Variants in RAD51B observed in about 807,000 individuals in gnomAD.
RAD51B encodes DNA repair protein RAD51 homolog 2.
In RAD51B, 38 loss-of-function variants were observed where a neutral mutation model predicts 42.2. That is an observed-to-expected ratio of 0.90 (90% CI 0.70 to 1.18). The LOEUF is 1.18. RAD51B is among the 50% of genes most tolerant of loss of function. RAD51B has a pLI of 0.00. For missense variants in RAD51B, 373 were observed against 400.7 expected (o/e 0.93, Z 0.59); for synonymous variants, 154 against 145.2 (o/e 1.06, Z -0.43).
At chr14:68,004,608 A>G (rs1474522033) in intron 7 of RAD51B, among the ~76,000 whole-genome samples, 13 of 152,172 alleles carry the variant, frequency 8.5e-5, no homozygotes, top group Non-Finnish European at 1.9e-4. Flanking sequence ...AAATTGAAAT[A>G]TAATGTATTT....
intron 7 of RAD51B, among the ~76,000 whole-genome samples, chr14:68,058,816 G>T (rs1283501570): frequency 6.6e-6 from 1 of 152,092 alleles, no homozygotes; most frequent in African/African-American, 2.4e-5. Context: ...TTAAAATTTT[G>T]TTAGATTCTA....
intron 7 of RAD51B, among the ~76,000 whole-genome samples, chr14:68,263,146 G>T (rs570617572): frequency 1.3e-5 from 2 of 152,304 alleles, no homozygotes; most frequent in African/African-American, 2.4e-5. Context: ...CTGATGCTCT[G>T]TGAGGGCTGA....
chr14:68,125,960 C>T (rs1239142168), intron 7 of RAD51B, among the ~76,000 whole-genome samples: 1 of 152,096 alleles, frequency 6.6e-6, no homozygotes, highest in Non-Finnish European at 1.5e-5. Flanking sequence ...CAAAATGATA[C>T]TTAAGAAGTT....
At chr14:68,484,519 G>C (rs894062149) in intron 10 of RAD51B, among the ~76,000 whole-genome samples, 3 of 151,838 alleles carry the variant, frequency 2.0e-5, no homozygotes, top group African/African-American at 7.3e-5. Context: ...CACCACGCCC[G>C]GCTAATTTTT....
At chr14:67,898,253 AG>A (rs2043489959) in intron 7 of RAD51B, among the ~76,000 whole-genome samples, 1 of 152,230 alleles carries the variant, frequency 6.6e-6, no homozygotes, top group African/African-American at 2.4e-5. Flanking sequence ...TAAATAAAAA[AG>A]AAGGAAATAC....
At chr14:68,669,462 C>T (rs1252341363) in intron 11 of RAD51B, among the ~76,000 whole-genome samples, 3 of 152,170 alleles carry the variant, frequency 2.0e-5, no homozygotes, top group Non-Finnish European at 2.9e-5. Flanking sequence ...GGGGCAGGGA[C>T]TTTTGGATGA....
At chr14:68,428,738 T>A (rs1449929655) in intron 9 of RAD51B, among the ~76,000 whole-genome samples, 1 of 36,890 alleles carries the variant, frequency 2.7e-5, no homozygotes, top group African/African-American at 6.5e-5. Flanking sequence ...TATATATATA[T>A]ATATATATAT....
chr14:68,618,847 C>CT (rs990624179), intron 10 of RAD51B, among the ~76,000 whole-genome samples: 4 of 151,720 alleles, frequency 2.6e-5, no homozygotes, highest in African/African-American at 4.8e-5. Context: ...CCTTCCCTAC[C>CT]TTTTTTTTTC....
intron 5 of RAD51B, among the ~76,000 whole-genome samples, chr14:67,874,137 A>T (rs1379166254): frequency 1.3e-5 from 2 of 152,058 alleles, no homozygotes; most frequent in Non-Finnish European, 2.9e-5. Context: ...AACAAGAAGA[A>T]AACCCAGGAG....
chr14:67,990,828 T>G (rs2075284304), intron 7 of RAD51B, among the ~76,000 whole-genome samples: 1 of 152,170 alleles, frequency 6.6e-6, no homozygotes, highest in Non-Finnish European at 1.5e-5. Flanking sequence ...AAAGCAAAAC[T>G]GGAAAGCTAT....
At chr14:68,057,651 C>T (rs2076498733) in intron 7 of RAD51B, among the ~76,000 whole-genome samples, 1 of 151,818 alleles carries the variant, frequency 6.6e-6, no homozygotes, top group Admixed American at 6.6e-5. Context: ...AATCTCTTAG[C>T]TTTTTTTGTC....
intron 7 of RAD51B, among the ~76,000 whole-genome samples, chr14:67,976,137 G>A (rs1443012854): frequency 2.0e-5 from 3 of 150,692 alleles, no homozygotes; most frequent in African/African-American, 7.3e-5. Context: ...TGTGTTTTGA[G>A]ACAAGGTCTC....
At chr14:67,820,796 G>A (rs1056117419) in intron 1 of RAD51B, among the ~76,000 whole-genome samples, 55 of 152,074 alleles carry the variant, frequency 3.6e-4, no homozygotes, top group African/African-American at 1.3e-3. Flanking sequence ...AGTACTATGT[G>A]CCACGCACTC....
intron 5 of RAD51B, among the ~76,000 whole-genome samples, chr14:67,869,422 A>T (rs1325447215): frequency 6.6e-6 from 1 of 152,166 alleles, no homozygotes; most frequent in Non-Finnish European, 1.5e-5. Flanking sequence ...GCCTCCAAGA[A>T]ATATGGGACT....
intron 7 of RAD51B, among the ~76,000 whole-genome samples, chr14:68,142,298 A>G (rs754984119): frequency 1.1e-4 from 17 of 151,898 alleles, no homozygotes; most frequent in Non-Finnish European, 1.8e-4. Flanking sequence ...CCACTCTCAA[A>G]CTCCTTTTCA....
chr14:67,823,503 T>C (rs761443476), intron 1 of RAD51B, 39 bp from the exon 2 acceptor site: 7 of 1,581,404 alleles, frequency 4.4e-6, no homozygotes, highest in Non-Finnish European at 5.2e-6. Context: ...TATTCTGTTG[T>C]TTTTTTCATG....
chr14:68,158,627 C>T (rs1305567703), intron 7 of RAD51B, among the ~76,000 whole-genome samples: 1 of 152,078 alleles, frequency 6.6e-6, no homozygotes, highest in African/African-American at 2.4e-5. Context: ...GAGGATAAGT[C>T]CATTTCATTT....
At chr14:68,222,027 CAT>C (rs1420954138) in intron 7 of RAD51B, among the ~76,000 whole-genome samples, 1 of 151,990 alleles carries the variant, frequency 6.6e-6, no homozygotes, top group African/African-American at 2.4e-5. Flanking sequence ...ATAATCAAAA[CAT>C]AAAAAAATAA....
chr14:68,197,834 C>T (rs1451309383), intron 7 of RAD51B, among the ~76,000 whole-genome samples: 1 of 151,934 alleles, frequency 6.6e-6, no homozygotes, highest in South Asian at 2.1e-4. Context: ...GGCTGTTTGT[C>T]TTTTTATTGT....
Sources: gnomAD v4.1 joint callset for allele counts (sites outside exome capture counted in the v4.1 genomes callset) on GRCh38, gnomAD v4.1.1 for gene constraint, MANE v1.5 for transcripts, NCBI Gene and HGNC (gene_info 2026-07-23, HGNC 2026-07-21) for gene names.